The following DYNC2I1 variants were observed in gnomAD, a reference collection of about 807,000 sequenced individuals.
The protein encoded by DYNC2I1 is dynein 2 intermediate chain 1.
DYNC2I1 carries 89 observed loss-of-function variants against 133.4 expected under a neutral mutation model. The observed-to-expected ratio is 0.67, with a 90% CI of 0.56 to 0.80. The LOEUF is 0.80. DYNC2I1 is among the 30% of genes least tolerant of loss of function. The probability of loss-of-function intolerance (pLI) is 0.00; values close to 1 mark genes in which losing one functional copy is unlikely to be tolerated. For synonymous variants in DYNC2I1, 504 were observed against 484.3 expected (o/e 1.04, Z -0.54); for missense variants, 1,291 against 1,314.5 (o/e 0.98, Z 0.28).
the DYNC2I1 span, among the ~76,000 whole-genome samples, chr7:158,849,320 T>C: frequency 6.6e-6 from 1 of 152,242 alleles, no homozygotes; most frequent in South Asian, 2.1e-4. Flanking sequence ...TGTATCTGAC[T>C]GAGGAATGTT....
chr7:158,917,299 G>A (rs1429717133), intron 14 of DYNC2I1, among the ~76,000 whole-genome samples: 1 of 151,718 alleles, frequency 6.6e-6, no homozygotes, highest in East Asian at 1.9e-4. Context: ...TGAAATTAAG[G>A]ATGATTGTGA....
downstream of DYNC2I1, among the ~76,000 whole-genome samples, chr7:158,949,847 C>T (rs1174714348): frequency 6.6e-6 from 1 of 152,100 alleles, no homozygotes; most frequent in Non-Finnish European, 1.5e-5. Context: ...TCTCGCCTCA[C>T]CGCAACCTCC....
At chr7:158,877,182 CCGGA>C in intron 4 of DYNC2I1, among the ~76,000 whole-genome samples, 1 of 151,480 alleles carries the variant, frequency 6.6e-6, no homozygotes, top group African/African-American at 2.4e-5. Flanking sequence ...ACCTGCGGTT[CCGGA>C]TTGGTGTTCC....
At chr7:158,940,900 A>G (rs1851285372) in intron 23 of DYNC2I1, among the ~76,000 whole-genome samples, 1 of 152,122 alleles carries the variant, frequency 6.6e-6, no homozygotes, top group South Asian at 2.1e-4. Context: ...TCAAATAAAC[A>G]ATGTAACAAT....
At chr7:158,930,324 A>G in intron 20 of DYNC2I1, 131 bp from the exon 21 acceptor site, 1 of 833,358 alleles carries the variant, frequency 1.2e-6, no homozygotes, top group South Asian at 1.5e-5. Context: ...GATGCTGTGT[A>G]TTGATTTGCA....
intron 7 of DYNC2I1, among the ~76,000 whole-genome samples, chr7:158,889,471 A>T (rs1266728299): frequency 6.6e-6 from 1 of 152,134 alleles, no homozygotes; most frequent in Non-Finnish European, 1.5e-5. Flanking sequence ...CATTTCTTGA[A>T]GTGGAATTGT....
At chr7:158,874,810 T>A (rs2129477936) in intron 3 of DYNC2I1, among the ~76,000 whole-genome samples, 1 of 152,364 alleles carries the variant, frequency 6.6e-6, no homozygotes, top group East Asian at 1.9e-4. Context: ...GTGTATCCCC[T>A]GTGCTTTGAA....
At chr7:158,924,897 G>T (rs1045242320) in intron 17 of DYNC2I1, among the ~76,000 whole-genome samples, 2 of 152,096 alleles carry the variant, frequency 1.3e-5, no homozygotes, top group Non-Finnish European at 2.9e-5. Flanking sequence ...TGGGATTACA[G>T]GTGCCCACCA....
At chr7:158,860,967 T>C (rs1023949707) in intron 1 of DYNC2I1, among the ~76,000 whole-genome samples, 2 of 152,182 alleles carry the variant, frequency 1.3e-5, no homozygotes, top group South Asian at 2.1e-4. Flanking sequence ...CTGCAGAAAC[T>C]CTGGCATGAA....
chr7:158,948,086 C>A (rs945195696), downstream of DYNC2I1, among the ~76,000 whole-genome samples: 13 of 152,338 alleles, frequency 8.5e-5, no homozygotes, highest in African/African-American at 2.4e-4. Flanking sequence ...CCTGCCCTGG[C>A]GCTAGCGATG....
chr7:158,895,882 T>C (rs1845713694), intron 8 of DYNC2I1, among the ~76,000 whole-genome samples: 1 of 152,218 alleles, frequency 6.6e-6, no homozygotes, highest in South Asian at 2.1e-4. Context: ...TTGAGGGTGC[T>C]AATATAAGTA....
chr7:158,856,496 C>G, upstream of DYNC2I1: 1 of 394,502 alleles, frequency 2.5e-6, no homozygotes, highest in Non-Finnish European at 4.4e-6. Context: ...GCAGCGACCA[C>G]TCGGCCTTCC....
chr7:158,860,737 C>T (rs1841802012), intron 1 of DYNC2I1, among the ~76,000 whole-genome samples: 1 of 152,132 alleles, frequency 6.6e-6, no homozygotes, highest in African/African-American at 2.4e-5. Flanking sequence ...TTAATCATAG[C>T]TTGAAAAATG....
chr7:158,923,939 T>G (rs1285535784), intron 17 of DYNC2I1, among the ~76,000 whole-genome samples: 1 of 152,212 alleles, frequency 6.6e-6, no homozygotes, highest in Non-Finnish European at 1.5e-5. Flanking sequence ...ATGACTTGAA[T>G]TTCCTTTCTT....
chr7:158,886,588 A>C (rs1158555867), intron 6 of DYNC2I1, among the ~76,000 whole-genome samples: 2 of 152,194 alleles, frequency 1.3e-5, no homozygotes, highest in Admixed American at 1.3e-4. Context: ...ATGCTTTGCT[A>C]ACCTGAAACA....
chr7:158,932,189 G>T (rs1377356397), intron 21 of DYNC2I1, among the ~76,000 whole-genome samples: 1 of 152,204 alleles, frequency 6.6e-6, no homozygotes, highest in African/African-American at 2.4e-5. Flanking sequence ...CGCCCCTGCA[G>T]CGAGGCCCCG....
chr7:158,859,262 A>G (rs1841661381), intron 1 of DYNC2I1, among the ~76,000 whole-genome samples: 1 of 151,940 alleles, frequency 6.6e-6, no homozygotes, highest in Admixed American at 6.6e-5. Flanking sequence ...TTGGCTTAGC[A>G]TAGAATTCTA....
At chr7:158,901,405 G>T (rs931263548) in intron 8 of DYNC2I1, among the ~76,000 whole-genome samples, 2 of 151,886 alleles carry the variant, frequency 1.3e-5, no homozygotes, top group African/African-American at 4.8e-5. Flanking sequence ...TAGATAAGCT[G>T]AGCACCATTC....
At chr7:158,927,115 C>CACCTGACCGCA in intron 20 of DYNC2I1, 72 bp downstream of exon 20, 2 of 1,148,030 alleles carry the variant, frequency 1.7e-6, no homozygotes, top group Non-Finnish European at 2.5e-6. Context: ...CTGATAACTG[C>CACCTGACCGCA]GGTCAGGTGC....
Sources: gnomAD v4.1 joint callset for allele counts (sites outside exome capture counted in the v4.1 genomes callset) on GRCh38, gnomAD v4.1.1 for gene constraint, MANE v1.5 for transcripts, NCBI Gene and HGNC (gene_info 2026-07-23, HGNC 2026-07-21) for gene names.